CADPS: variants seen among roughly 807,000 people sequenced by gnomAD.
CADPS encodes calcium-dependent secretion activator 1.
In CADPS, 57 loss-of-function variants were observed where a neutral mutation model predicts 167.3. The ratio of observed to expected loss-of-function variants is 0.34; its 90% CI spans 0.28 to 0.42. The LOEUF is 0.42. Ranked by LOEUF, CADPS falls within the 20% of genes least tolerant of loss-of-function variation. The probability of loss-of-function intolerance (pLI) is 1.00; values close to 1 mark genes in which losing one functional copy is unlikely to be tolerated. For missense variants in CADPS, 1,414 were observed against 1,738.1 expected (o/e 0.81, Z 3.32); for synonymous variants, 676 against 635.3 (o/e 1.06, Z -0.96).
intron 4 of CADPS, among the ~76,000 whole-genome samples, chr3:62,655,964 A>G (rs1005430693): frequency 1.3e-5 from 2 of 152,116 alleles, no homozygotes; most frequent in Non-Finnish European, 2.9e-5. Context: ...GAGGGCATCA[A>G]GGAACTCATC....
chr3:62,756,437 T>C (rs1362470571), intron 2 of CADPS, among the ~76,000 whole-genome samples: 2 of 152,206 alleles, frequency 1.3e-5, no homozygotes, highest in African/African-American at 4.8e-5. Context: ...CTTTTAACTG[T>C]AATGATTATA....
rs61586697 is a variant in CADPS at position 62,474,153 on chromosome 3, AT to A, written c.3477+19del. 0.15 allele frequency: 106,731 copies of A among 723,068 alleles called. 22 individuals carry two copies. Among genetic ancestry groups the A allele is most frequent in the Middle Eastern group, 0.23 (659 of 2,922 alleles). 44.8% of individuals were successfully genotyped at this position (723,068 alleles called of 1,614,324 possible). On this transcript the variant is annotated intron_variant, in intron 24 of 29. Coordinates refer to ENST00000383710, the MANE Select transcript of CADPS (RefSeq NM_003716.4). ...AATGAAGAGGGAAAAAAAAATCTGT[AT>A]TTTTTTTTTTTTTTTTACCTCTTGG...
intron 26 of CADPS, among the ~76,000 whole-genome samples, chr3:62,456,459 G>T (rs2058688896): frequency 6.6e-6 from 1 of 152,136 alleles, no homozygotes; most frequent in African/African-American, 2.4e-5. Context: ...TGAGCCTGAA[G>T]CCTCCCCGTC....
At chr3:62,490,837 G>T (rs558028239) in intron 21 of CADPS, among the ~76,000 whole-genome samples, 1 of 152,074 alleles carries the variant, frequency 6.6e-6, no homozygotes, top group Non-Finnish European at 1.5e-5. Context: ...AGCTACACTC[G>T]TTCATTTACA....
chr3:62,653,116 G>C (rs1398485973), intron 4 of CADPS, among the ~76,000 whole-genome samples: 1 of 152,148 alleles, frequency 6.6e-6, no homozygotes, highest in Admixed American at 6.5e-5. Flanking sequence ...GGGTCCTCCT[G>C]TTGTATTTGC....
intron 7 of CADPS, among the ~76,000 whole-genome samples, chr3:62,590,717 G>C (rs189500149): frequency 6.6e-6 from 1 of 152,252 alleles, no homozygotes; most frequent in Admixed American, 6.5e-5. Flanking sequence ...CTGTGTGCTT[G>C]TCTGGGGTGG....
At chr3:62,682,780 T>C (rs1262332020) in intron 3 of CADPS, among the ~76,000 whole-genome samples, 2 of 151,954 alleles carry the variant, frequency 1.3e-5, no homozygotes, top group East Asian at 3.9e-4. Flanking sequence ...CAATGAAGAG[T>C]ATAAAGAAAC....
At chr3:62,698,367 T>A (rs2080737639) in intron 3 of CADPS, among the ~76,000 whole-genome samples, 1 of 152,140 alleles carries the variant, frequency 6.6e-6, no homozygotes, top group Non-Finnish European at 1.5e-5. Context: ...GTTTCATGTG[T>A]GACACAGTTC....
chr3:62,701,754 A>C (rs2081438217), intron 3 of CADPS, among the ~76,000 whole-genome samples: 1 of 152,114 alleles, frequency 6.6e-6, no homozygotes, highest in Non-Finnish European at 1.5e-5. Context: ...TTGTAGAATG[A>C]CTATGAACCA....
chr3:62,399,431 TC>T lies in CADPS; in HGVS notation c.4036del (p.Asp1346MetfsTer22). The T allele has an allele frequency of 6.2e-7, 1 of 1,614,200 alleles. No homozygotes were observed. The highest frequency in any genetic ancestry group is 8.5e-7 in the Non-Finnish European group (1 of 1,180,008). ...GLQGISMKDS[D>X]EEDEEDD ...CTAATCGTCTTCTTCGTCTTCCTCA[TC>T]GCTGTCCTTCATGCTGATGCCCTGC... On this transcript the variant is annotated frameshift_variant, in exon 30 of 30. Transcript: ENST00000383710. LOFTEE classifies it high-confidence loss of function. This position sits in a 1 kb window ranked among gnomAD's most constrained non-coding sequence, Gnocchi z 5.6.
In CADPS at chr3:62,458,150, TA is replaced by T. The variant is rs2058921393; in HGVS notation, c.3636+7216del. ...CTTACAGTTTTGAATAATTTGACAG[TA>T]AGGCTAAGAATGGCTATTTATGGAG... On this transcript the variant is annotated intron_variant, in intron 26 of 29. Coordinates refer to ENST00000383710, the MANE Select transcript of CADPS (RefSeq NM_003716.4). The surrounding 1 kb of genome is among the most constrained non-coding windows in gnomAD (Gnocchi z 4.6). Among the ~76,000 whole-genome samples, 2 of 152,298 alleles carry T rather than the reference TA, an allele frequency of 1.3e-5. No individual in the cohort carries two copies. The highest frequency in any genetic ancestry group is 4.8e-5 in the African/African-American group (2 of 41,554).
Position 62,874,492 on chromosome 3 carries a change from GCTC to G in CADPS, c.441+94_441+96del. On this transcript the variant is annotated intron_variant, in intron 1 of 29. Transcript: ENST00000383710. The surrounding 1 kb of genome is among the most constrained non-coding windows in gnomAD (Gnocchi z 7.1). ...CCAGGGCGCGGTCTCCACCTCTCCT[GCTC>G]CTCCTCGCCAGCTGCGCCGCCAGCT... The G allele has an allele frequency of 2.1e-6, 2 of 951,326 alleles. No individual in the cohort carries two copies. Among genetic ancestry groups the G allele is most frequent in the Non-Finnish European group, 3.2e-6 (2 of 627,758 alleles). The allele number at this position is 951,326 out of a possible 1,614,324, so 58.9% of individuals were successfully genotyped here. A position where few individuals can be genotyped will look rare whatever the true frequency, so the allele number is the denominator to read the frequency against.
At position 62,610,950 on chromosome 3, in the gene CADPS, T is replaced by C. The variant is rs547272762; in HGVS notation, c.1326-18202A>G. On this transcript the variant is annotated intron_variant, in intron 6 of 29. Coordinates refer to ENST00000383710, the MANE Select transcript of CADPS (RefSeq NM_003716.4). ...AGTGTCTAGAGACTCATTTTTCGGC[T>C]GTCACACAGGGGTGTGGGGGAGAGA... 3.3e-5 allele frequency among the ~76,000 whole-genome samples: 5 copies of C among 151,864 alleles called. No homozygotes were observed. The East Asian group carries it at 9.7e-4, about 29-fold the overall frequency.
At chr3:62,481,478 A>G (rs902313218) in intron 22 of CADPS, among the ~76,000 whole-genome samples, 1 of 152,196 alleles carries the variant, frequency 6.6e-6, no homozygotes, top group African/African-American at 2.4e-5. Flanking sequence ...AGAATTCAGG[A>G]AGTGAAACAT....
intron 3 of CADPS, among the ~76,000 whole-genome samples, chr3:62,667,981 T>C (rs1222192442): frequency 6.6e-6 from 1 of 152,126 alleles, no homozygotes; most frequent in Admixed American, 6.5e-5. Context: ...ACAGTGCGCC[T>C]GGGAGACACC....
chr3:62,567,564 C>CTTTTTT (rs10561022), intron 9 of CADPS, among the ~76,000 whole-genome samples: 3 of 33,848 alleles, frequency 8.9e-5, no homozygotes, highest in African/African-American at 1.1e-4. Context: ...CTAAGCACTG[C>CTTTTTT]TTTTTTTTTT....
intron 26 of CADPS, among the ~76,000 whole-genome samples, chr3:62,457,443 G>C (rs1265531407): frequency 6.6e-6 from 1 of 152,136 alleles, no homozygotes; most frequent in Non-Finnish European, 1.5e-5. Flanking sequence ...TAATAAAGAG[G>C]TGTTTTAGAG....
At chr3:62,725,720 C>A (rs1270890424) in intron 3 of CADPS, among the ~76,000 whole-genome samples, 2 of 151,876 alleles carry the variant, frequency 1.3e-5, no homozygotes, top group Admixed American at 6.5e-5. Context: ...ACAAGCAAGT[C>A]TGTACTAACC....
In CADPS at chr3:62,517,272, G is replaced by A. The variant is rs11130883; in HGVS notation, c.2394-629C>T. 1.6e-4 allele frequency among the ~76,000 whole-genome samples: 24 copies of A among 152,060 alleles called. No homozygotes were observed. The East Asian group carries it at 2.3e-3, about 15-fold the overall frequency. On this transcript the variant is annotated intron_variant, in intron 14 of 29. Transcript: ENST00000383710. ...ACTGGTTTCAGGTTGTCACTGGCCC[G>A]TCAGAACACTGTGCATGGGACAGAG...
Sources: gnomAD v4.1 joint callset for allele counts (sites outside exome capture counted in the v4.1 genomes callset) on GRCh38, gnomAD v4.1.1 for gene constraint, Gnocchi (gnomAD v3.1) non-coding constraint, MANE v1.5 for transcripts, NCBI Gene and HGNC (gene_info 2026-07-23, HGNC 2026-07-21) for gene names.